GRAMD1B: variants seen among roughly 807,000 people sequenced by gnomAD.
GRAMD1B encodes the protein GRAM domain containing 1B.
GRAMD1B carries 37 observed loss-of-function variants against 99.7 expected under a neutral mutation model. The ratio of observed to expected loss-of-function variants is 0.37; its 90% CI spans 0.29 to 0.49. The LOEUF is 0.49. GRAMD1B is among the 20% of genes least tolerant of loss of function. The pLI, the probability that GRAMD1B is intolerant of heterozygous loss-of-function variation, is 0.98. For synonymous variants in GRAMD1B, 427 were observed against 387.6 expected (o/e 1.10, Z -1.19); for missense variants, 888 against 1,009.2 (o/e 0.88, Z 1.63).
chr11:123,620,275 A>G (rs1954940098), intron 19 of GRAMD1B, among the ~76,000 whole-genome samples: 1 of 152,052 alleles, frequency 6.6e-6, no homozygotes, highest in South Asian at 2.1e-4. Context: ...GGAGTTTGAA[A>G]CCGGCCTGGC....
At chr11:123,554,558 CA>C in intron 2 of GRAMD1B, among the ~76,000 whole-genome samples, 1 of 139,330 alleles carries the variant, frequency 7.2e-6, no homozygotes, top group South Asian at 2.3e-4. Context: ...AAGAAAGAAA[CA>C]AAATGCCGGA....
In GRAMD1B at chr11:123,480,650, C is replaced by T. The variant is rs1178748830; in HGVS notation, c.375-166C>T. On this transcript the variant is annotated intron_variant, in intron 1 of 19. Coordinates refer to ENST00000635736, the MANE Select transcript of GRAMD1B (RefSeq NM_001387025.1). ...GGATTTTATCAGCCTTGTGTCATTT[C>T]TCATATGGTCTAACTGTGCATTCTC... The T allele has an allele frequency of 1.0e-5, 4 of 386,974 alleles. No homozygotes were observed. The East Asian group carries it at 1.1e-4, about 11-fold the overall frequency. The allele number at this position is 386,974 out of a possible 1,614,324, so 24.0% of individuals were successfully genotyped here.
upstream of GRAMD1B, among the ~76,000 whole-genome samples, chr11:123,426,449 T>C (rs1948652693): frequency 6.6e-6 from 1 of 152,208 alleles, no homozygotes; most frequent in Admixed American, 6.5e-5. Context: ...TGGCCATCCT[T>C]CATTGTGTGT....
intron 19 of GRAMD1B, among the ~76,000 whole-genome samples, chr11:123,620,561 TAAG>T: frequency 6.6e-6 from 1 of 151,706 alleles, no homozygotes; most frequent in East Asian, 1.9e-4. Context: ...TCACTACACT[TAAG>T]GAGGGCATTT....
intron 2 of GRAMD1B, among the ~76,000 whole-genome samples, chr11:123,552,197 G>A (rs1028619267): frequency 4.6e-5 from 7 of 151,548 alleles, no homozygotes; most frequent in Admixed American, 1.3e-4. Flanking sequence ...TCTAGAAAAA[G>A]GAGGGATTTT....
Position 123,585,359 on chromosome 11 carries a change from G to A in GRAMD1B, c.684+1027G>A, listed in dbSNP as rs1291473123. 6.6e-5 allele frequency among the ~76,000 whole-genome samples: 10 copies of A among 152,294 alleles called. No individual in the cohort carries two copies. The East Asian group carries it at 1.2e-3, about 18-fold the overall frequency. ...TGTGTTTTCCTACTTGGCGCTGGGC[G>A]GTTCCTCAAAGTCAGGCATGTGCTC... On this transcript the variant is annotated intron_variant, in intron 4 of 19. Coordinates refer to ENST00000635736, the MANE Select transcript of GRAMD1B (RefSeq NM_001387025.1).
rs1951051844 is a variant in GRAMD1B, at chr11:123,594,630, T to C, written c.770-105T>C. On this transcript the variant is annotated intron_variant, in intron 5 of 19. Coordinates refer to ENST00000635736, the MANE Select transcript of GRAMD1B (RefSeq NM_001387025.1). Reference sequence around the variant, plus strand: ...TGGCACCCCTTGTCCGTGGTGGGCATTGGGCTCCCCCAGTGCTGGTGGGAG... The same window carrying C: ...TGGCACCCCTTGTCCGTGGTGGGCACTGGGCTCCCCCAGTGCTGGTGGGAG... 7.2e-6 allele frequency: 5 copies of C among 694,366 alleles called. No individual in the cohort carries two copies. In the East Asian group the frequency reaches 1.3e-4, roughly 18 times the overall value. 43.0% of individuals were successfully genotyped at this position (694,366 alleles called of 1,614,324 possible).
At chr11:123,486,569 AC>A (rs1188065826) in intron 2 of GRAMD1B, among the ~76,000 whole-genome samples, 16 of 147,322 alleles carry the variant, frequency 1.1e-4, no homozygotes, top group Admixed American at 8.8e-4. Flanking sequence ...AAAAAAAAAA[AC>A]AAAAAGAAAA....
chr11:123,584,214 C>A, intron 3 of GRAMD1B, 98 bp from the exon 4 acceptor site: 2 of 707,284 alleles, frequency 2.8e-6, no homozygotes, highest in Non-Finnish European at 2.5e-6. Flanking sequence ...ACCCCTCCTC[C>A]CTGCCCACCC....
At chr11:123,532,385 C>T (rs1479462078) in intron 2 of GRAMD1B, among the ~76,000 whole-genome samples, 1 of 152,242 alleles carries the variant, frequency 6.6e-6, no homozygotes, top group Non-Finnish European at 1.5e-5. Context: ...GAGCTAGTCA[C>T]GTGGCCCTGC....
chr11:123,548,325 T>C (rs11219194), intron 2 of GRAMD1B, among the ~76,000 whole-genome samples: 37,746 of 85,904 alleles, frequency 0.44, 9,108 homozygotes, highest in African/African-American at 0.67. Context: ...TATATATATA[T>C]ACACACACAC....
At chr11:123,471,895 T>A (rs1951033645) in intron 1 of GRAMD1B, among the ~76,000 whole-genome samples, 1 of 152,196 alleles carries the variant, frequency 6.6e-6, no homozygotes, top group African/African-American at 2.4e-5. Flanking sequence ...GCTCCTGAAT[T>A]TATTATAATA....
Position 123,369,499 on chromosome 11 carries a change from G to A in GRAMD1B, c.-176+10700G>A, listed in dbSNP as rs1247394649. Among the ~76,000 whole-genome samples, 4 of 151,864 alleles carry A rather than the reference G, an allele frequency of 2.6e-5. No homozygotes were observed. The East Asian group carries it at 7.7e-4, about 29-fold the overall frequency. ...TAAATTTGTAGAAGGAAGAATGAAAGGGAACCAATATTCATGGTCCGCCAA... is the reference window on the plus strand; with the variant it reads ...TAAATTTGTAGAAGGAAGAATGAAAAGGAACCAATATTCATGGTCCGCCAA... On this transcript the variant is annotated intron_variant, in intron 1 of 20. Transcript: ENST00000638157.
intron 2 of GRAMD1B, among the ~76,000 whole-genome samples, chr11:123,485,401 G>A (rs76426808): frequency 6.6e-6 from 1 of 152,322 alleles, no homozygotes; most frequent in East Asian, 1.9e-4. Flanking sequence ...ACAGCAGTGG[G>A]TGGAATACCT....
At chr11:123,613,421 G>T (rs747329528) in intron 15 of GRAMD1B, 34 bp from the exon 16 acceptor site, 8 of 1,464,780 alleles carry the variant, frequency 5.5e-6, no homozygotes, top group South Asian at 1.2e-5. Context: ...AGGGCTGAAG[G>T]TGGCCTCTCC....
At chr11:123,465,306 T>A (rs578133964) in intron 1 of GRAMD1B, among the ~76,000 whole-genome samples, 1 of 152,226 alleles carries the variant, frequency 6.6e-6, no homozygotes, top group South Asian at 2.1e-4. Context: ...CCTTTAGGTG[T>A]TTTCGCATTT....
rs1316422549 is a variant in GRAMD1B at position 123,444,384 on chromosome 11, T to C, written c.374+13218T>C. Among the ~76,000 whole-genome samples the C allele has an allele frequency of 2.6e-5, 4 of 152,070 alleles. No homozygotes were observed. In the East Asian group the frequency reaches 7.7e-4, roughly 29 times the overall value. On this transcript the variant is annotated intron_variant, in intron 1 of 19. Transcript: ENST00000635736. ...GCTCACACCTATAATCGCAGCACTT[T>C]GGGTGGCTGAGGTGGGAGGATCACT... is the stretch of plus-strand genomic sequence containing the variant.
intron 1 of GRAMD1B, among the ~76,000 whole-genome samples, chr11:123,476,455 G>A (rs60138676): frequency 0.011 from 1,612 of 152,310 alleles, 26 homozygotes; most frequent in African/African-American, 0.037. Context: ...GGAGGAAATA[G>A]GGCCAGGCCT....
At chr11:123,361,626 C>T (rs1197341143) in intron 1 of GRAMD1B, among the ~76,000 whole-genome samples, 1 of 152,200 alleles carries the variant, frequency 6.6e-6, no homozygotes, top group Admixed American at 6.5e-5. Context: ...TAAAAGCCTT[C>T]ATTCCTTGAT....
Sources: allele counts gnomAD v4.1 joint callset (sites outside exome capture counted in the v4.1 genomes callset), GRCh38; gene constraint gnomAD v4.1.1; transcripts MANE v1.5; gene names NCBI Gene and HGNC (gene_info 2026-07-23, HGNC 2026-07-21).